Variants in SNAPC3 observed in about 807,000 individuals in gnomAD.
SNAPC3 encodes the protein snRNA-activating protein complex subunit 3.
A neutral mutation model predicts 47.7 loss-of-function variants in SNAPC3; 56 were observed. The observed-to-expected ratio is 1.18, with a 90% CI of 0.95 to 1.47. The LOEUF is 1.47. Among genes scored for constraint, SNAPC3 ranks in the 40% most tolerant of loss-of-function variants. The probability of loss-of-function intolerance (pLI) is 0.00; values close to 1 mark genes in which losing one functional copy is unlikely to be tolerated. For missense variants in SNAPC3, 665 were observed against 511.3 expected, an observed-to-expected ratio of 1.30 and a Z score of -2.90; for synonymous variants, 235 against 189.9, an observed-to-expected ratio of 1.24 and a Z score of -1.95.
chr9:15,454,007 A>G (rs4741502), intron 7 of SNAPC3, among the ~76,000 whole-genome samples: 106,251 of 152,102 alleles, frequency 0.7, 39,406 homozygotes, highest in Non-Finnish European at 0.82. Flanking sequence ...GGGAGACTGA[A>G]GTGGGCAAAT....
At chr9:15,448,769 T>TAGA (rs1255595634) in intron 5 of SNAPC3, among the ~76,000 whole-genome samples, 1 of 152,176 alleles carries the variant, frequency 6.6e-6, no homozygotes, top group Non-Finnish European at 1.5e-5. Context: ...ATAAGAAAAG[T>TAGA]AGAATTTCAA....
At chr9:15,437,105 G>A (rs1042392499) in intron 3 of SNAPC3, among the ~76,000 whole-genome samples, 1 of 152,036 alleles carries the variant, frequency 6.6e-6, no homozygotes, top group African/African-American at 2.4e-5. Flanking sequence ...GATTACAGAC[G>A]TGAGCCACCG....
intron 2 of SNAPC3, among the ~76,000 whole-genome samples, chr9:15,425,076 C>G (rs1179124233): frequency 6.6e-6 from 1 of 152,176 alleles, no homozygotes; most frequent in Non-Finnish European, 1.5e-5. Flanking sequence ...AAATTTCAAA[C>G]TCCTTAGCTA....
At chr9:15,443,138 C>G (rs1315420700) in intron 3 of SNAPC3, among the ~76,000 whole-genome samples, 2 of 152,166 alleles carry the variant, frequency 1.3e-5, no homozygotes, top group Non-Finnish European at 2.9e-5. Flanking sequence ...CCAGCTTTGG[C>G]TCGGCATCAG....
chr9:15,459,648 A>G (rs1281936541), intron 8 of SNAPC3, 71 bp from the exon 9 acceptor site: 5 of 1,168,188 alleles, frequency 4.3e-6, no homozygotes, highest in Admixed American at 3.8e-5. Flanking sequence ...ACATATTGCT[A>G]CAGGTCATAA....
intron 2 of SNAPC3, among the ~76,000 whole-genome samples, chr9:15,429,403 T>C (rs2131755491): frequency 6.6e-6 from 1 of 152,210 alleles, no homozygotes; most frequent in East Asian, 1.9e-4. Flanking sequence ...AAAGGACTAA[T>C]ACAGAGAGGA....
chr9:15,460,019 AATG>A lies in SNAPC3; in HGVS notation c.*156_*158del. On this transcript the variant is annotated 3_prime_UTR_variant, in exon 9 of 9. Transcript: ENST00000380821. Reference sequence around the variant, plus strand: ...AAGTCCAAATGACAGATTTTCTTATAATGATAGTATTTAAATGTTTATAACATA... The same window carrying A: ...AAGTCCAAATGACAGATTTTCTTATAATAGTATTTAAATGTTTATAACATA... The A allele has an allele frequency of 1.9e-6, 1 of 517,602 alleles. No individual in the cohort carries two copies. Among genetic ancestry groups the A allele is most frequent in the Non-Finnish European group, 3.3e-6 (1 of 298,632 alleles). 32.1% of individuals were successfully genotyped at this position (517,602 alleles called of 1,614,324 possible).
At chr9:15,433,333 A>T (rs2032400086) in intron 2 of SNAPC3, among the ~76,000 whole-genome samples, 1 of 152,078 alleles carries the variant, frequency 6.6e-6, no homozygotes, top group Non-Finnish European at 1.5e-5. Flanking sequence ...TATAGCTAAT[A>T]ATATTGTGTA....
At position 15,457,227 on chromosome 9, in the gene SNAPC3, G is replaced by C. The variant is rs191902742; in HGVS notation, c.981-733G>C. Among the ~76,000 whole-genome samples, 2 of 152,172 alleles carry C rather than the reference G, an allele frequency of 1.3e-5. 1 individual carries two copies. The highest frequency in any genetic ancestry group is 2.9e-5 in the Non-Finnish European group (2 of 67,990). On this transcript the variant is annotated intron_variant, in intron 7 of 8. Transcript: ENST00000380821. ...AAAGGAGACATTAAAAAAACAAGAG[G>C]CACATTGTAACAACCAGTTAATCTA...
At chr9:15,442,467 G>T (rs1274762937) in intron 3 of SNAPC3, among the ~76,000 whole-genome samples, 1 of 150,190 alleles carries the variant, frequency 6.7e-6, no homozygotes, top group African/African-American at 2.5e-5. Context: ...GGCGGCTGCT[G>T]GGCGGAGGGG....
At chr9:15,437,643 C>T (rs2032953923) in intron 3 of SNAPC3, among the ~76,000 whole-genome samples, 1 of 149,440 alleles carries the variant, frequency 6.7e-6, no homozygotes, top group Non-Finnish European at 1.5e-5. Flanking sequence ...TTTTTTGCCC[C>T]ATCATTCCAT....
At chr9:15,435,844 CT>C (rs57744583) in intron 3 of SNAPC3, among the ~76,000 whole-genome samples, 19 of 123,818 alleles carry the variant, frequency 1.5e-4, no homozygotes, top group East Asian at 4.7e-4. Context: ...ACTTTTCTTT[CT>C]TTTTTTTTTT....
chr9:15,442,502 C>T (rs1335110008), intron 3 of SNAPC3, among the ~76,000 whole-genome samples: 1 of 151,908 alleles, frequency 6.6e-6, no homozygotes, highest in Non-Finnish European at 1.5e-5. Flanking sequence ...GACCGGGCGG[C>T]TGGGCGGAGA....
At chr9:15,440,437 A>G (rs1391580346) in intron 3 of SNAPC3, among the ~76,000 whole-genome samples, 1 of 152,168 alleles carries the variant, frequency 6.6e-6, no homozygotes, top group African/African-American at 2.4e-5. Flanking sequence ...TTCCTGAAGG[A>G]TAGTTTTGCC....
intron 5 of SNAPC3, 141 bp downstream of exon 5, chr9:15,447,385 C>T: frequency 1.4e-6 from 1 of 726,096 alleles, no homozygotes; most frequent in South Asian, 1.8e-5. Flanking sequence ...TCATTCCTTC[C>T]CTTTATCACC....
At chr9:15,440,515 AAAG>A (rs1205939491) in intron 3 of SNAPC3, among the ~76,000 whole-genome samples, 3 of 152,330 alleles carry the variant, frequency 2.0e-5, no homozygotes, top group East Asian at 3.9e-4. Flanking sequence ...GTCACCCAAA[AAAG>A]AAAAACAAAA....
chr9:15,430,065 G>C (rs1306002903), intron 2 of SNAPC3, among the ~76,000 whole-genome samples: 5 of 152,144 alleles, frequency 3.3e-5, no homozygotes, highest in Non-Finnish European at 5.9e-5. Context: ...AATGAGAACT[G>C]TATGACATGT....
downstream of SNAPC3, among the ~76,000 whole-genome samples, chr9:15,466,590 CTCT>C (rs930390261): frequency 6.6e-6 from 1 of 152,276 alleles, no homozygotes; most frequent in African/African-American, 2.4e-5. Flanking sequence ...AAGGTTTTTA[CTCT>C]TCTTCCTTTT....
downstream of SNAPC3, chr9:15,464,585 G>A (rs1439126940): frequency 5.0e-6 from 1 of 198,470 alleles, no homozygotes; most frequent in Non-Finnish European, 1.0e-5. Flanking sequence ...TCAAATAGGT[G>A]AGTTTCCTTA....
Sources: allele counts gnomAD v4.1 joint callset (sites outside exome capture counted in the v4.1 genomes callset), GRCh38; gene constraint gnomAD v4.1.1; transcripts MANE v1.5; gene names NCBI Gene and HGNC (gene_info 2026-07-23, HGNC 2026-07-21).